ATP8B1: variants seen among roughly 807,000 people sequenced by gnomAD.
The protein encoded by ATP8B1 is ATPase phospholipid transporting 8B1.
Under a neutral mutation model 149.9 loss-of-function variants are expected in ATP8B1, and 80 were observed. That is an observed-to-expected ratio of 0.53 (90% CI 0.45 to 0.64). The LOEUF is 0.64. ATP8B1 is among the 30% of genes least tolerant of loss of function. ATP8B1 has a pLI of 0.00. For missense variants in ATP8B1, 1,247 were observed against 1,552.6 expected (o/e 0.80, Z 3.31); for synonymous variants, 536 against 562.8 (o/e 0.95, Z 0.67).
intron 2 of ATP8B1, among the ~76,000 whole-genome samples, chr18:57,711,880 GT>G (rs2123009285): frequency 6.6e-6 from 1 of 152,216 alleles, no homozygotes; most frequent in East Asian, 1.9e-4. Context: ...GTGAGCCACC[GT>G]GCCCAGACCA....
chr18:57,696,400 C>T (rs1420145677), intron 8 of ATP8B1, among the ~76,000 whole-genome samples: 1 of 152,110 alleles, frequency 6.6e-6, no homozygotes, highest in East Asian at 1.9e-4. Context: ...GCCCATAATC[C>T]AATTTGGGTA....
chr18:57,749,308 G>C (rs1568053037), intron 1 of ATP8B1, among the ~76,000 whole-genome samples: 2 of 152,070 alleles, frequency 1.3e-5, no homozygotes, highest in Middle Eastern at 3.4e-3. Context: ...TTATGATTCT[G>C]ACATAAAATA....
chr18:57,793,810 G>A (rs1200346390), intron 1 of ATP8B1, among the ~76,000 whole-genome samples: 1 of 152,134 alleles, frequency 6.6e-6, no homozygotes, highest in African/African-American at 2.4e-5. Flanking sequence ...TACAATGGCA[G>A]CTTGCACCCT....
chr18:57,753,931 CA>C (rs1218057370), intron 1 of ATP8B1, among the ~76,000 whole-genome samples: 12 of 71,006 alleles, frequency 1.7e-4, no homozygotes, highest in Non-Finnish European at 2.3e-4. Flanking sequence ...GACTCTGTCT[CA>C]AAAAAAAAAA....
In ATP8B1 at chr18:57,756,302, T is replaced by TTTACAC. The variant is rs1568056349; in HGVS notation, c.-25-24471_-25-24470insGTGTAA. 1.3e-4 allele frequency among the ~76,000 whole-genome samples: 14 copies of TTTACAC among 110,846 alleles called. 1 individual carries two copies. The East Asian group carries it at 2.9e-3, about 23-fold the overall frequency. 72.7% of individuals were successfully genotyped at this position (110,846 alleles called of 152,430 possible). ...CAACATATATATGTGTGTGTGTATG[T>TTTACAC]ATATATATATATATTTGAGACTGAG... is the stretch of plus-strand genomic sequence containing the variant. On this transcript the variant is annotated intron_variant, in intron 1 of 27. Coordinates refer to ENST00000648908, the MANE Select transcript of ATP8B1 (RefSeq NM_001374385.1).
At chr18:57,755,405 G>A (rs940593590) in intron 1 of ATP8B1, 2 of 151,516 alleles carry the variant, frequency 1.3e-5, no homozygotes, top group African/African-American at 2.4e-5. Context: ...TGCTTGCTTC[G>A]GCAGCACATA....
chr18:57,733,753 A>G (rs2079816393), intron 1 of ATP8B1, among the ~76,000 whole-genome samples: 1 of 151,696 alleles, frequency 6.6e-6, no homozygotes, highest in South Asian at 2.1e-4. Context: ...CAACTGCTTC[A>G]CAAGGAGAGG....
chr18:57,779,928 A>G (rs565685481), intron 1 of ATP8B1, among the ~76,000 whole-genome samples: 27 of 152,122 alleles, frequency 1.8e-4, no homozygotes, highest in Admixed American at 8.5e-4. Flanking sequence ...GAAAGAAAAA[A>G]TAACAAAAAT....
At position 57,764,757 on chromosome 18, in the gene ATP8B1, CAAAAAAA is replaced by C. The variant is rs71171091; in HGVS notation, c.-25-32932_-25-32926del. Reference sequence around the variant, plus strand: ...GAATTAACTTTTCACTTTCAGTTGTCAAAAAAAAAAAAAAAAAAAAAAACAGAAAATA... The same window carrying C: ...GAATTAACTTTTCACTTTCAGTTGTCAAAAAAAAAAAAAAAACAGAAAATA... On this transcript the variant is annotated intron_variant, in intron 1 of 27. Coordinates refer to ENST00000648908, the MANE Select transcript of ATP8B1 (RefSeq NM_001374385.1). Among the ~76,000 whole-genome samples the C allele has an allele frequency of 8.1e-4, 84 of 104,154 alleles. 1 individual carries two copies. The highest frequency in any genetic ancestry group is 2.0e-3 in the African/African-American group (58 of 28,628). The allele number at this position is 104,154 out of a possible 152,430, so 68.3% of individuals were successfully genotyped here.
chr18:57,646,472 AT>A lies in ATP8B1; in HGVS notation c.*2015del, dbSNP rs35833803. ...TACTTTTCAAAGATTTTACTAAATC[AT>A]TTTTTTAAACAAAATATACATTAAA... is the stretch of plus-strand genomic sequence containing the variant. On this transcript the variant is annotated 3_prime_UTR_variant, in exon 28 of 28. Coordinates refer to ENST00000648908, the MANE Select transcript of ATP8B1 (RefSeq NM_001374385.1). The A allele has an allele frequency of 0.17, 25,577 of 152,484 alleles. 2,325 individuals carry two copies. Among genetic ancestry groups the A allele is most frequent in the African/African-American group, 0.24 (9,772 of 41,480 alleles). 9.4% of individuals were successfully genotyped at this position (152,484 alleles called of 1,614,324 possible).
In ATP8B1 at chr18:57,668,433, T is replaced by C. The variant is rs1911019833; in HGVS notation, c.2205A>G (p.Lys735=). Residue 735 remains lysine, a synonymous_variant, in exon 19 of 28, where the codon AAA becomes AAG. Coordinates refer to ENST00000648908, the MANE Select transcript of ATP8B1 (RefSeq NM_001374385.1). ...DIKIWVLTGD[K]KETAENIGFA... is the part of the protein sequence containing the mutation. ...CTTCCCTGCACAATGAATTACCCTT[T>C]TTGTCTCCAGTAAGCACCCAGATCT... The C allele has an allele frequency of 1.2e-6, 2 of 1,601,902 alleles. No individual in the cohort carries two copies. The highest frequency in any genetic ancestry group is 1.3e-5 in the African/African-American group (1 of 74,718).
At position 57,784,583 on chromosome 18, in the gene ATP8B1, C is replaced by A. The variant is rs1045409538; in HGVS notation, c.-26+18415G>T. Among the ~76,000 whole-genome samples the A allele has an allele frequency of 3.3e-5, 5 of 152,136 alleles. No individual in the cohort carries two copies. Among genetic ancestry groups the A allele is most frequent in the African/African-American group, 1.2e-4 (5 of 41,430 alleles). ...CCAGGCTTAAGCCAGAAGGCTTAAG[C>A]ACCAGCTAGAGGGGTATCATCTTCT... On this transcript the variant is annotated intron_variant, in intron 1 of 27. Transcript: ENST00000648908. The surrounding 1 kb of genome is among the most constrained non-coding windows in gnomAD (Gnocchi z 4.4).
intron 2 of ATP8B1, among the ~76,000 whole-genome samples, chr18:57,714,566 A>C (rs942206819): frequency 7.5e-6 from 1 of 134,196 alleles, no homozygotes; most frequent in African/African-American, 2.8e-5. Context: ...AGGGAGAGAG[A>C]GAAGGAGAAA....
At chr18:57,674,241 CAAA>C (rs745500180) in intron 16 of ATP8B1, among the ~76,000 whole-genome samples, 5 of 82,614 alleles carry the variant, frequency 6.1e-5, no homozygotes, top group African/African-American at 2.2e-4. Context: ...GACTCCATCT[CAAA>C]AAAAAAAAAA....
chr18:57,780,079 A>G (rs2080344507), intron 1 of ATP8B1, among the ~76,000 whole-genome samples: 1 of 152,210 alleles, frequency 6.6e-6, no homozygotes, highest in Non-Finnish European at 1.5e-5. Flanking sequence ...AATTCTCATA[A>G]CAGATTTATT....
intron 1 of ATP8B1, among the ~76,000 whole-genome samples, chr18:57,764,757 CAAAAAAAAAAAAAA>C (rs71171091): frequency 9.6e-6 from 1 of 104,174 alleles, no homozygotes; most frequent in Non-Finnish European, 2.0e-5. Flanking sequence ...TTTCAGTTGT[CAAAAAAAAAAAAAA>C]AAAAAAAAAC....
intron 1 of ATP8B1, among the ~76,000 whole-genome samples, chr18:57,770,377 C>A (rs116350675): frequency 2.6e-5 from 4 of 152,228 alleles, no homozygotes; most frequent in African/African-American, 9.6e-5. Flanking sequence ...TTGTTTAGCA[C>A]TTTCCAGAGC....
At chr18:57,764,078 G>C (rs576300489) in intron 1 of ATP8B1, among the ~76,000 whole-genome samples, 62 of 152,158 alleles carry the variant, frequency 4.1e-4, no homozygotes, top group Non-Finnish European at 7.5e-4. Flanking sequence ...TTAATAAATA[G>C]GGATCCAGAA....
intron 2 of ATP8B1, among the ~76,000 whole-genome samples, chr18:57,725,968 G>A (rs530847005): frequency 5.3e-5 from 8 of 152,166 alleles, no homozygotes; most frequent in African/African-American, 1.7e-4. Context: ...GGTGGCTCAC[G>A]CCTGTAATTC....
Sources: allele counts gnomAD v4.1 joint callset (sites outside exome capture counted in the v4.1 genomes callset), GRCh38; gene constraint gnomAD v4.1.1; non-coding constraint Gnocchi (gnomAD v3.1); transcripts MANE v1.5; gene names NCBI Gene and HGNC (gene_info 2026-07-23, HGNC 2026-07-21).